ANAPC1: variants seen among roughly 807,000 people sequenced by gnomAD.
The protein encoded by ANAPC1 is anaphase-promoting complex subunit 1.
In ANAPC1, 36 loss-of-function variants were observed where a neutral mutation model predicts 208.0. The observed-to-expected ratio is 0.17, with a 90% CI of 0.13 to 0.23. ANAPC1 has a LOEUF of 0.23. Ranked by LOEUF, ANAPC1 falls within the 10% of genes least tolerant of loss-of-function variation. The probability of loss-of-function intolerance (pLI) is 1.00; values close to 1 mark genes in which losing one functional copy is unlikely to be tolerated. For synonymous variants in ANAPC1, 378 were observed against 695.2 expected, an observed-to-expected ratio of 0.54 and a Z score of 7.18; for missense variants, 942 against 2,011.6, an observed-to-expected ratio of 0.47 and a Z score of 10.17.
intron 34 of ANAPC1, among the ~76,000 whole-genome samples, chr2:111,798,969 G>A (rs1231532038): frequency 8.6e-5 from 13 of 150,656 alleles, no homozygotes; most frequent in African/African-American, 2.9e-4. Flanking sequence ...GGGAGGCGGA[G>A]CTTGCAGTGA....
At chr2:111,856,085 A>G (rs1053343501) in intron 13 of ANAPC1, among the ~76,000 whole-genome samples, 6 of 152,132 alleles carry the variant, frequency 3.9e-5, no homozygotes, top group African/African-American at 1.4e-4. Flanking sequence ...AATACAAAAA[A>G]TTAGCCAGGC....
At chr2:111,860,177 T>C (rs1046439434) in intron 10 of ANAPC1, among the ~76,000 whole-genome samples, 6 of 151,898 alleles carry the variant, frequency 4.0e-5, no homozygotes, top group Non-Finnish European at 7.4e-5. Flanking sequence ...TGTGTGCTTA[T>C]AGTCCCAGCT....
At chr2:111,824,932 C>G (rs1260626537) in intron 24 of ANAPC1, 34 bp downstream of exon 24, 16 of 1,612,376 alleles carry the variant, frequency 9.9e-6, no homozygotes, top group Non-Finnish European at 1.2e-5. Context: ...GGAGGAAGCA[C>G]GGCCTAGTTA....
intron 20 of ANAPC1, among the ~76,000 whole-genome samples, chr2:111,832,702 G>A (rs1283955370): frequency 6.6e-6 from 1 of 152,058 alleles, no homozygotes; most frequent in Non-Finnish European, 1.5e-5. Context: ...GGCCGAGGCG[G>A]GTGGATCACG....
intron 34 of ANAPC1, among the ~76,000 whole-genome samples, chr2:111,798,406 T>C (rs1285824529): frequency 1.3e-5 from 2 of 152,204 alleles, no homozygotes; most frequent in African/African-American, 4.8e-5. Flanking sequence ...CTTACCTACA[T>C]GTCAGGTCCC....
At chr2:111,870,092 T>C (rs1166288827) in intron 6 of ANAPC1, among the ~76,000 whole-genome samples, 1 of 152,242 alleles carries the variant, frequency 6.6e-6, no homozygotes, top group Non-Finnish European at 1.5e-5. Flanking sequence ...GGTGTATATA[T>C]ACATTTTCTT....
At position 111,832,937 on chromosome 2, in the gene ANAPC1, C is replaced by CAAAA. The variant is rs908553180; in HGVS notation, c.2476+279_2476+282dup. Among the ~76,000 whole-genome samples, 25 of 53,618 alleles carry CAAAA rather than the reference C, an allele frequency of 4.7e-4. 3 individuals are homozygous for CAAAA. Among genetic ancestry groups the CAAAA allele is most frequent in the East Asian group, 2.7e-3 (4 of 1,496 alleles). The allele number at this position is 53,618 out of a possible 152,430, so 35.2% of individuals were successfully genotyped here. On this transcript the variant is annotated intron_variant, in intron 20 of 47. Transcript: ENST00000341068. ...TGGGTGACAGAGCGAGACTCAGTCT[C>CAAAA]AAAAAAAAAAAAAAAAAAAGCATCC...
rs1224797490 is a variant in ANAPC1 at position 111,883,791 on chromosome 2, AG to A, written c.-25+150del. On this transcript the variant is annotated intron_variant, in intron 1 of 47. Transcript: ENST00000341068. ...GCCAGGAGCGCCCGCAGGCCCCCTC[AG>A]CCCCGGAGCACGCTCAAGGCCCTCC... is the stretch of plus-strand genomic sequence containing the variant. Among the ~76,000 whole-genome samples, 5 of 152,346 alleles carry A rather than the reference AG, an allele frequency of 3.3e-5. No individual in the cohort carries two copies. In the East Asian group the frequency reaches 9.7e-4, roughly 29 times the overall value.
rs1240669123 is a variant in ANAPC1 at position 111,794,278 on chromosome 2, A to G, written c.4419T>C (p.Gly1473=). 6.2e-7 allele frequency: 1 copy of G among 1,613,276 alleles called. No homozygotes were observed. Among genetic ancestry groups the G allele is most frequent in the Non-Finnish European group, 8.5e-7 (1 of 1,179,620 alleles). ...YIIAGACLSL[G]FRFAGSENLS... ...AGTTTTCTGAGCCAGCAAATCGAAA[A>G]CCCAGAGACAAGCAGGCTCCTGCAA... Residue 1473 remains glycine (G), a synonymous_variant, in exon 36 of 48, where the codon GGT becomes GGC. Coordinates refer to ENST00000341068, the MANE Select transcript of ANAPC1 (RefSeq NM_022662.4).
chr2:111,782,589 A>T, intron 42 of ANAPC1, 82 bp from the exon 43 acceptor site: 1 of 1,540,264 alleles, frequency 6.5e-7, no homozygotes. Flanking sequence ...TACCATGTTC[A>T]CAGGAGATGA....
At chr2:111,783,421 T>C (rs977790850) in intron 42 of ANAPC1, among the ~76,000 whole-genome samples, 5 of 151,354 alleles carry the variant, frequency 3.3e-5, no homozygotes, top group African/African-American at 1.2e-4. Flanking sequence ...TGTCTCTCTC[T>C]TGCTGCCATA....
intron 9 of ANAPC1, among the ~76,000 whole-genome samples, chr2:111,862,922 T>C (rs1032161141): frequency 5.9e-5 from 9 of 152,106 alleles, no homozygotes; most frequent in African/African-American, 1.7e-4. Context: ...TATATATTTA[T>C]CAACAAAACA....
intron 7 of ANAPC1, 75 bp from the exon 8 acceptor site, chr2:111,865,026 A>G (rs1034551286): frequency 1.4e-6 from 2 of 1,472,060 alleles, no homozygotes; most frequent in African/African-American, 2.9e-5. Flanking sequence ...CAGAGCTCTT[A>G]AAATTGTTAA....
Position 111,767,858 on chromosome 2 carries a change from T to C in ANAPC1, c.*1433A>G, listed in dbSNP as rs1341733938. On this transcript the variant is annotated 3_prime_UTR_variant, in exon 48 of 48. Coordinates refer to ENST00000341068, the MANE Select transcript of ANAPC1 (RefSeq NM_022662.4). ...TCAGTCAGCCCCATCGTGCCTCTGC[T>C]TCACATCCAGGAAGAAGCGAGTCCT... The C allele has an allele frequency of 6.6e-6, 1 of 152,238 alleles. No homozygotes were observed. Among genetic ancestry groups the C allele is most frequent in the Non-Finnish European group, 1.5e-5 (1 of 68,050 alleles). The allele number at this position is 152,238 out of a possible 1,614,324, so 9.4% of individuals were successfully genotyped here. A position where few individuals can be genotyped will look rare whatever the true frequency, so the allele number is the denominator to read the frequency against.
chr2:111,801,021 T>G (rs527396533), intron 33 of ANAPC1, 150 bp from the exon 34 acceptor site: 1 of 657,428 alleles, frequency 1.5e-6, no homozygotes, highest in Non-Finnish European at 2.7e-6. Context: ...AGGAAGGTTA[T>G]GTACTGATAA....
downstream of ANAPC1, chr2:111,766,783 C>G (rs1676482225): frequency 1.3e-5 from 5 of 374,052 alleles, no homozygotes; most frequent in Admixed American, 3.7e-5. Flanking sequence ...CACAGATCAT[C>G]AGGCTGAGAG....
intron 29 of ANAPC1, among the ~76,000 whole-genome samples, chr2:111,808,101 A>G (rs1211287148): frequency 6.8e-6 from 1 of 147,986 alleles, no homozygotes; most frequent in East Asian, 2.0e-4. Context: ...TCCCAGAATG[A>G]GGCAGGTGAG....
chr2:111,856,229 C>T (rs1036159688), intron 13 of ANAPC1: 3 of 167,902 alleles, frequency 1.8e-5, no homozygotes, highest in Admixed American at 1.2e-4. Context: ...AGCGAGACTC[C>T]GTCTCAAAAA....
chr2:111,839,659 T>C (rs1159554902), intron 17 of ANAPC1, among the ~76,000 whole-genome samples: 1 of 152,206 alleles, frequency 6.6e-6, no homozygotes, highest in Non-Finnish European at 1.5e-5. Flanking sequence ...CCAACTCATA[T>C]ATATTATAAA....
Sources: allele counts gnomAD v4.1 joint callset (sites outside exome capture counted in the v4.1 genomes callset), GRCh38; gene constraint gnomAD v4.1.1; transcripts MANE v1.5; gene names NCBI Gene and HGNC (gene_info 2026-07-23, HGNC 2026-07-21).